FHIP1A: variants seen among roughly 807,000 people sequenced by gnomAD.
FHIP1A encodes the protein FHF complex subunit HOOK interacting protein 1A.
Under a neutral mutation model 88.6 loss-of-function variants are expected in FHIP1A, and 61 were observed. The ratio of observed to expected loss-of-function variants is 0.69; its 90% confidence interval spans 0.56 to 0.85. The LOEUF (loss-of-function observed/expected upper bound fraction) is 0.85, where lower values mean the gene tolerates loss of function less well. Ranked by LOEUF, FHIP1A falls within the 40% of genes least tolerant of loss-of-function variation. The pLI is 0.00. For missense variants in FHIP1A, 1,154 were observed against 1,273.5 expected (o/e 0.91, Z 1.43); for synonymous variants, 478 against 496.0 (o/e 0.96, Z 0.48).
Position 151,656,105 on chromosome 4 carries a change from C to G in FHIP1A, c.2552-127C>G. 1.5e-6 allele frequency: 1 copy of G among 652,396 alleles called. No homozygotes were observed. The allele number at this position is 652,396 out of a possible 1,614,324, so 40.4% of individuals were successfully genotyped here. On this transcript the variant is annotated intron_variant, in intron 11 of 13. Coordinates refer to ENST00000435205, the MANE Select transcript of FHIP1A (RefSeq NM_001109977.3). This position sits in a 1 kb window ranked among gnomAD's most constrained non-coding sequence, Gnocchi z 4.2. ...GCAGGAGAAAACGTGGCCATATTTG[C>G]TGTGTCTGGCTTGCACCTGTGGGCC... is the stretch of plus-strand genomic sequence containing the variant.
chr4:151,539,943 G>T (rs1732223429), intron 3 of FHIP1A, among the ~76,000 whole-genome samples: 2 of 152,300 alleles, frequency 1.3e-5, no homozygotes, highest in Admixed American at 1.3e-4. Context: ...GATTGGCAAA[G>T]ATGTTTAAAA....
intron 3 of FHIP1A, among the ~76,000 whole-genome samples, chr4:151,539,171 A>G (rs970704796): frequency 2.2e-4 from 33 of 152,274 alleles, no homozygotes; most frequent in African/African-American, 8.0e-4. Flanking sequence ...AAAGCCACAG[A>G]TATTCCCTCT....
At chr4:151,617,798 A>T (rs757493064) in intron 7 of FHIP1A, among the ~76,000 whole-genome samples, 9 of 152,192 alleles carry the variant, frequency 5.9e-5, no homozygotes, top group Non-Finnish European at 1.2e-4. Context: ...AGGCACAAGA[A>T]TCACTTGAAA....
chr4:151,545,537 C>G (rs1732463805), intron 3 of FHIP1A, among the ~76,000 whole-genome samples: 1 of 151,700 alleles, frequency 6.6e-6, no homozygotes, highest in South Asian at 2.1e-4. Flanking sequence ...ACTGCCACGC[C>G]CGGCTAATTT....
At chr4:151,527,654 G>C (rs1731729669) in intron 3 of FHIP1A, among the ~76,000 whole-genome samples, 1 of 152,148 alleles carries the variant, frequency 6.6e-6, no homozygotes, top group Non-Finnish European at 1.5e-5. Flanking sequence ...TAACACAGGG[G>C]CTGAGAAGTT....
intron 10 of FHIP1A, among the ~76,000 whole-genome samples, chr4:151,648,018 C>T (rs931604332): frequency 6.6e-6 from 1 of 152,140 alleles, no homozygotes; most frequent in African/African-American, 2.4e-5. Context: ...CATGTTCTTT[C>T]CACTCTCCTG....
chr4:151,570,924 T>C (rs1002998260), intron 4 of FHIP1A, among the ~76,000 whole-genome samples: 3 of 152,196 alleles, frequency 2.0e-5, no homozygotes, highest in Non-Finnish European at 4.4e-5. Flanking sequence ...ACTTAATTTT[T>C]ATAGTAGTCT....
intron 7 of FHIP1A, among the ~76,000 whole-genome samples, chr4:151,597,448 G>A (rs534220120): frequency 3.1e-4 from 47 of 152,168 alleles, no homozygotes; most frequent in Non-Finnish European, 5.4e-4. Flanking sequence ...GAGTTCTCCT[G>A]TATGAGGTGT....
At chr4:151,619,706 C>G (rs1418854576) in intron 7 of FHIP1A, among the ~76,000 whole-genome samples, 2 of 152,138 alleles carry the variant, frequency 1.3e-5, no homozygotes, top group African/African-American at 4.8e-5. Flanking sequence ...TTTAAGCACC[C>G]AATATATGCC....
intron 3 of FHIP1A, among the ~76,000 whole-genome samples, chr4:151,520,013 A>G (rs1731396363): frequency 6.6e-6 from 1 of 152,072 alleles, no homozygotes. Flanking sequence ...TGTTTTGCGG[A>G]TCTTTATTCC....
rs1344214762 is a variant in FHIP1A at position 151,665,435 on chromosome 4, T to C, written c.*2681T>C. On this transcript the variant is annotated 3_prime_UTR_variant, in exon 14 of 14. Transcript: ENST00000435205. ...AACTGGTTCCTGTTTCTGAATCCAT[T>C]ACAGTCCTCAGAGGTTTTTGTCCAT... Among the ~76,000 whole-genome samples, 1 of 152,234 alleles carries C rather than the reference T, an allele frequency of 6.6e-6. No homozygotes were observed. Among genetic ancestry groups the C allele is most frequent in the Non-Finnish European group, 1.5e-5 (1 of 68,042 alleles).
intron 3 of FHIP1A, among the ~76,000 whole-genome samples, chr4:151,557,513 A>T (rs1732996928): frequency 6.6e-6 from 1 of 152,212 alleles, no homozygotes; most frequent in Non-Finnish European, 1.5e-5. Context: ...GATAGCCTGA[A>T]ACCATTCAAG....
At chr4:151,600,322 C>T (rs1211252051) in intron 7 of FHIP1A, among the ~76,000 whole-genome samples, 1 of 152,194 alleles carries the variant, frequency 6.6e-6, no homozygotes, top group Admixed American at 6.5e-5. Context: ...AAGCAAGTCA[C>T]TAGGCCACAT....
intron 2 of FHIP1A, among the ~76,000 whole-genome samples, chr4:151,466,500 CA>C (rs561882400): frequency 6.6e-6 from 1 of 152,178 alleles, no homozygotes; most frequent in East Asian, 1.9e-4. Context: ...CATATGGAAC[CA>C]AAAATGAGCT....
chr4:151,417,746 A>G (rs983789578), intron 1 of FHIP1A, among the ~76,000 whole-genome samples: 2 of 152,154 alleles, frequency 1.3e-5, no homozygotes, highest in African/African-American at 4.8e-5. Flanking sequence ...ATTAGTCTTG[A>G]TTATTGCTTA....
intron 3 of FHIP1A, among the ~76,000 whole-genome samples, chr4:151,559,567 T>G (rs1240478204): frequency 1.3e-5 from 2 of 152,224 alleles, no homozygotes; most frequent in African/African-American, 4.8e-5. Flanking sequence ...TCTGTATATA[T>G]TTTGGCAGCC....
chr4:151,639,704 G>A (rs929178684), intron 9 of FHIP1A, among the ~76,000 whole-genome samples: 22 of 152,134 alleles, frequency 1.4e-4, no homozygotes, highest in Admixed American at 1.4e-3. Flanking sequence ...AGAGAGGAGC[G>A]AAGGGCTAGG....
chr4:151,490,976 C>T (rs1035812339), intron 3 of FHIP1A, among the ~76,000 whole-genome samples: 2 of 151,762 alleles, frequency 1.3e-5, no homozygotes, highest in African/African-American at 4.8e-5. Flanking sequence ...TGAACAAAGC[C>T]TCCAATAAAT....
At chr4:151,626,212 G>A (rs1467546156) in intron 7 of FHIP1A, among the ~76,000 whole-genome samples, 1 of 152,056 alleles carries the variant, frequency 6.6e-6, no homozygotes, top group Admixed American at 6.6e-5. Context: ...ATTGGAATCT[G>A]GTCTAAACCA....
Sources: allele counts gnomAD v4.1 joint callset (sites outside exome capture counted in the v4.1 genomes callset), GRCh38; gene constraint gnomAD v4.1.1; non-coding constraint Gnocchi (gnomAD v3.1); transcripts MANE v1.5; gene names NCBI Gene and HGNC (gene_info 2026-07-23, HGNC 2026-07-21).